Variants in CRY1 observed in about 807,000 individuals in gnomAD.
CRY1 encodes the protein cryptochrome-1.
In CRY1, 45 loss-of-function variants were observed where a neutral mutation model predicts 76.0. That is an observed-to-expected ratio of 0.59 (90% CI 0.47 to 0.76). CRY1 has a LOEUF of 0.76. CRY1 is among the 30% of genes least tolerant of loss of function. The pLI is 0.00. For synonymous variants in CRY1, 248 were observed against 244.0 expected (o/e 1.02, Z -0.15); for missense variants, 587 against 716.4 (o/e 0.82, Z 2.06).
At chr12:107,089,360 G>T (rs1446616369) in intron 1 of CRY1, among the ~76,000 whole-genome samples, 1 of 75,818 alleles carries the variant, frequency 1.3e-5, no homozygotes, top group African/African-American at 6.9e-5. Context: ...TTAAGAGATA[G>T]GGTCTCTCTG....
intron 1 of CRY1, among the ~76,000 whole-genome samples, chr12:107,058,194 A>G (rs1032130216): frequency 9.2e-5 from 14 of 152,232 alleles, no homozygotes; most frequent in Admixed American, 9.2e-4. Context: ...ATACAAGCCT[A>G]TAACTCAGAA....
chr12:107,081,083 G>A (rs1953319057), intron 1 of CRY1, among the ~76,000 whole-genome samples: 1 of 152,090 alleles, frequency 6.6e-6, no homozygotes, highest in Non-Finnish European at 1.5e-5. Context: ...AAAAGAGACA[G>A]CAGTATCTCT....
intron 1 of CRY1, among the ~76,000 whole-genome samples, chr12:107,047,154 T>C (rs1228930880): frequency 2.0e-5 from 3 of 152,202 alleles, no homozygotes; most frequent in African/African-American, 7.2e-5. Flanking sequence ...AAATTTAAGA[T>C]AACTGAAATC....
intron 1 of CRY1, among the ~76,000 whole-genome samples, chr12:107,026,514 A>T (rs539166206): frequency 4.9e-4 from 74 of 152,274 alleles, no homozygotes; most frequent in African/African-American, 1.8e-3. Flanking sequence ...GATTACAGGC[A>T]TGAGCCATCA....
rs749714361 is a variant in CRY1 at position 107,001,298 on chromosome 12, T to C, written c.666A>G (p.Glu222=). Residue 222 remains glutamate, a synonymous_variant, in exon 5 of 13, where the codon GAA becomes GAG. Transcript: ENST00000008527. ...GGETEALTRL[E]RHLERKAWVA... ...ATCATACTTTTCTTTCCAAATGCCT[T>C]TCCAAACGAGTAAGTGCTTCAGTTT... 3.7e-6 allele frequency: 6 copies of C among 1,613,566 alleles called. No homozygotes were observed. The African/African-American group carries it at 6.7e-5, about 18-fold the overall frequency.
rs1023325613 is a variant in CRY1 at position 107,092,875 on chromosome 12, G to A, written c.87C>T (p.Asp29=). ...CCAGGATGTAGACGCAGCGGATGGT[G>A]TCGGCGCCCTGAATGCACTCCTTCA... The part of the protein sequence containing the change: ...PALKECIQGA[D]TIRCVYILDP... Residue 29 remains aspartate (D), a synonymous_variant, in exon 1 of 13, where the codon GAC becomes GAT. Transcript: ENST00000008527. The A allele has an allele frequency of 6.2e-7, 1 of 1,610,452 alleles. No individual in the cohort carries two copies. Among genetic ancestry groups the A allele is most frequent in the East Asian group, 2.2e-5 (1 of 44,830 alleles).
chr12:107,013,619 G>C (rs1218909464), intron 2 of CRY1, among the ~76,000 whole-genome samples: 1 of 152,096 alleles, frequency 6.6e-6, no homozygotes, highest in African/African-American at 2.4e-5. Flanking sequence ...TACTAAAGGT[G>C]GTCAACAATG....
At chr12:107,091,809 C>T (rs1032089151) in intron 1 of CRY1, among the ~76,000 whole-genome samples, 2 of 152,154 alleles carry the variant, frequency 1.3e-5, no homozygotes, top group Non-Finnish European at 2.9e-5. Context: ...TTCCCTTTGC[C>T]TGGAATGGTC....
At chr12:107,020,382 G>A (rs1952541679) in intron 2 of CRY1, among the ~76,000 whole-genome samples, 1 of 152,124 alleles carries the variant, frequency 6.6e-6, no homozygotes, top group South Asian at 2.1e-4. Context: ...TAGTTGACAT[G>A]GTTTGGGATC....
intron 1 of CRY1, among the ~76,000 whole-genome samples, chr12:107,084,413 G>T (rs2136901636): frequency 6.6e-6 from 1 of 152,204 alleles, no homozygotes; most frequent in Non-Finnish European, 1.5e-5. Context: ...GAAGCATCAT[G>T]CTACCTGACT....
chr12:107,053,222 A>G (rs1181184094), intron 1 of CRY1, among the ~76,000 whole-genome samples: 1 of 152,242 alleles, frequency 6.6e-6, no homozygotes, highest in Non-Finnish European at 1.5e-5. Flanking sequence ...AATAGCTGAT[A>G]AAAAGACATT....
intron 1 of CRY1, among the ~76,000 whole-genome samples, chr12:107,082,637 T>C (rs2136900502): frequency 6.6e-6 from 1 of 152,268 alleles, no homozygotes; most frequent in South Asian, 2.1e-4. Flanking sequence ...GTAAGTTCTT[T>C]GACACCAATG....
intron 1 of CRY1, among the ~76,000 whole-genome samples, chr12:107,059,531 G>C (rs1953024642): frequency 6.6e-6 from 1 of 151,758 alleles, no homozygotes; most frequent in African/African-American, 2.4e-5. Flanking sequence ...GAGATTACAG[G>C]CATGAGCTAC....
At chr12:107,014,868 A>T (rs543394176) in intron 2 of CRY1, among the ~76,000 whole-genome samples, 4 of 151,908 alleles carry the variant, frequency 2.6e-5, no homozygotes, top group Admixed American at 1.3e-4. Context: ...ATATATATAT[A>T]TTTTGTGTGT....
At chr12:107,056,655 T>A (rs756142431) in intron 1 of CRY1, among the ~76,000 whole-genome samples, 37 of 152,156 alleles carry the variant, frequency 2.4e-4, no homozygotes, top group Non-Finnish European at 4.9e-4. Context: ...ATTCTTCCAA[T>A]GTGGCCCAGG....
At chr12:107,032,179 C>T (rs1005208298) in intron 1 of CRY1, among the ~76,000 whole-genome samples, 11 of 152,090 alleles carry the variant, frequency 7.2e-5, no homozygotes, top group Admixed American at 7.2e-4. Context: ...GGTGATCCAC[C>T]TGCCTCGGCC....
At chr12:107,087,438 G>C (rs1005742906) in intron 1 of CRY1, among the ~76,000 whole-genome samples, 2 of 152,244 alleles carry the variant, frequency 1.3e-5, no homozygotes, top group African/African-American at 4.8e-5. Flanking sequence ...CCCACCTCTT[G>C]GACCAGTGTG....
intron 1 of CRY1, among the ~76,000 whole-genome samples, chr12:107,076,917 C>T (rs898172354): frequency 6.6e-6 from 1 of 152,142 alleles, no homozygotes; most frequent in Admixed American, 6.5e-5. Flanking sequence ...ATGCAACATG[C>T]CTGCTCCCCC....
At chr12:107,086,716 A>G (rs1219823269) in intron 1 of CRY1, among the ~76,000 whole-genome samples, 2 of 152,212 alleles carry the variant, frequency 1.3e-5, no homozygotes, top group African/African-American at 4.8e-5. Context: ...AGATCCATGG[A>G]GGTTTGGCAG....
Sources: allele counts gnomAD v4.1 joint callset (sites outside exome capture counted in the v4.1 genomes callset), GRCh38; gene constraint gnomAD v4.1.1; transcripts MANE v1.5; gene names NCBI Gene and HGNC (gene_info 2026-07-23, HGNC 2026-07-21).